The following SPRED1 variants were observed in gnomAD, a reference collection of about 807,000 sequenced individuals.
SPRED1 encodes the protein sprouty-related, EVH1 domain-containing protein 1.
SPRED1 carries 18 observed loss-of-function variants against 52.3 expected under a neutral mutation model. The ratio of observed to expected loss-of-function variants is 0.34; its 90% CI spans 0.24 to 0.51. The LOEUF is 0.51. Ranked by LOEUF, SPRED1 falls within the 20% of genes least tolerant of loss-of-function variation. SPRED1 has a pLI of 0.97. For synonymous variants in SPRED1, 155 were observed against 179.7 expected, an observed-to-expected ratio of 0.86 and a Z score of 1.10; for missense variants, 485 against 551.0, an observed-to-expected ratio of 0.88 and a Z score of 1.20.
chr15:38,320,990 A>G (rs1362715592), intron 2 of SPRED1, among the ~76,000 whole-genome samples: 5 of 152,208 alleles, frequency 3.3e-5, no homozygotes, highest in Non-Finnish European at 7.3e-5. Context: ...TATAGTAGGC[A>G]AAAGTGGAAC....
chr15:38,256,142 T>C (rs1215055195), intron 1 of SPRED1, among the ~76,000 whole-genome samples: 2 of 152,146 alleles, frequency 1.3e-5, no homozygotes, highest in African/African-American at 2.4e-5. Flanking sequence ...AGAAATAAAT[T>C]AGAATAAAGC....
intron 2 of SPRED1, among the ~76,000 whole-genome samples, chr15:38,304,183 A>G (rs930348170): frequency 3.7e-4 from 57 of 152,192 alleles, no homozygotes; most frequent in African/African-American, 1.4e-3. Flanking sequence ...ACCCCTTTCT[A>G]TCATGGGGGA....
chr15:38,289,320 T>C (rs1894872430), intron 1 of SPRED1, among the ~76,000 whole-genome samples: 1 of 152,228 alleles, frequency 6.6e-6, no homozygotes, highest in Non-Finnish European at 1.5e-5. Flanking sequence ...GTTTTTCTTC[T>C]GTGGATTTTA....
Position 38,351,710 on chromosome 15 carries a change from T to C in SPRED1, c.*46T>C. On this transcript the variant is annotated 3_prime_UTR_variant, in exon 7 of 7. Coordinates refer to ENST00000299084, the MANE Select transcript of SPRED1 (RefSeq NM_152594.3). ...AGCTTAAAATCTTTGTTTCCAGGAATTAGCTAACTTGGATTTGTGGAAGCT... is the reference window on the plus strand; with the variant it reads ...AGCTTAAAATCTTTGTTTCCAGGAACTAGCTAACTTGGATTTGTGGAAGCT... 5 of 1,599,830 alleles carry C rather than the reference T, an allele frequency of 3.1e-6. No individual in the cohort carries two copies. Among genetic ancestry groups the C allele is most frequent in the Middle Eastern group, 1.7e-4 (1 of 6,000 alleles).
At chr15:38,310,131 G>GTT (rs1427392837) in intron 2 of SPRED1, among the ~76,000 whole-genome samples, 3 of 117,650 alleles carry the variant, frequency 2.5e-5, no homozygotes, top group Non-Finnish European at 5.4e-5. Flanking sequence ...GTGTGTGTGT[G>GTT]TGTGTGTGTG....
At chr15:38,302,886 G>A (rs8037612) in intron 2 of SPRED1, among the ~76,000 whole-genome samples, 125,508 of 152,172 alleles carry the variant, frequency 0.82, 52,532 homozygotes, top group Non-Finnish European at 0.9. Context: ...AGTCTTGGCC[G>A]GGCGTGGTGG....
At chr15:38,314,287 T>TTCAGTAAC (rs1895426436) in intron 2 of SPRED1, among the ~76,000 whole-genome samples, 1 of 151,880 alleles carries the variant, frequency 6.6e-6, no homozygotes. Context: ...TATATTCAGA[T>TTCAGTAAC]ATGTTACTCT....
chr15:38,305,683 G>A (rs929282749), intron 2 of SPRED1, among the ~76,000 whole-genome samples: 12 of 152,056 alleles, frequency 7.9e-5, no homozygotes, highest in African/African-American at 2.4e-4. Flanking sequence ...GGTAACATTC[G>A]TGTGAAGATT....
rs1349456673 is a variant in SPRED1, at chr15:38,356,199, C to G, written c.*4535C>G. The G allele has an allele frequency of 6.6e-6, 1 of 151,010 alleles. No individual in the cohort carries two copies. The highest frequency in any genetic ancestry group is 1.5e-5 in the Non-Finnish European group (1 of 67,796). 9.4% of individuals were successfully genotyped at this position (151,010 alleles called of 1,614,324 possible). A position where few individuals can be genotyped will look rare whatever the true frequency, so the allele number is the denominator to read the frequency against. ...AAAGTGCCTCACTTGTATATTATTTCCATTAAAAGCTTGACTGCATTCTTT... is the reference window on the plus strand; with the variant it reads ...AAAGTGCCTCACTTGTATATTATTTGCATTAAAAGCTTGACTGCATTCTTT... On this transcript the variant is annotated 3_prime_UTR_variant, in exon 7 of 7. Transcript: ENST00000299084.
chr15:38,292,802 G>A (rs866378093), intron 1 of SPRED1, among the ~76,000 whole-genome samples: 17 of 152,146 alleles, frequency 1.1e-4, no homozygotes, highest in African/African-American at 2.2e-4. Context: ...AATTCTTAGC[G>A]TTAAAAGTTC....
In SPRED1 at chr15:38,308,423, C is replaced by T. The variant is rs549110585; in HGVS notation, c.207+8876C>T. Among the ~76,000 whole-genome samples the T allele has an allele frequency of 1.1e-3, 164 of 152,270 alleles. No homozygotes were observed. In the Middle Eastern group the frequency reaches 0.017, roughly 16 times the overall value. The stretch of plus-strand genomic sequence containing the variant: ...AGTCTGTACAGTTTTATCACGTTTT[C>T]ACTACCACAGACAAGATGCAAAACA... On this transcript the variant is annotated intron_variant, in intron 2 of 6. Coordinates refer to ENST00000299084, the MANE Select transcript of SPRED1 (RefSeq NM_152594.3).
intron 6 of SPRED1, among the ~76,000 whole-genome samples, chr15:38,350,257 C>T (rs947609852): frequency 6.6e-6 from 1 of 152,114 alleles, no homozygotes; most frequent in African/African-American, 2.4e-5. Context: ...GGTAGCTGCC[C>T]TCACATGGTC....
chr15:38,349,606 A>G, intron 6 of SPRED1, 83 bp downstream of exon 6: 1 of 956,886 alleles, frequency 1.0e-6, no homozygotes, highest in Non-Finnish European at 1.6e-6. Flanking sequence ...CTAATTCTCC[A>G]TATAGTTGAA....
rs1488137747 is a variant in SPRED1 at position 38,355,829 on chromosome 15, T to C, written c.*4165T>C. On this transcript the variant is annotated 3_prime_UTR_variant, in exon 7 of 7. Coordinates refer to ENST00000299084, the MANE Select transcript of SPRED1 (RefSeq NM_152594.3). The stretch of plus-strand genomic sequence containing the variant: ...TTGTTGCACTAAAAAAGTCTATAAA[T>C]CATAATAGCACCATGAGGTGTTTTG... The C allele has an allele frequency of 6.6e-6, 1 of 151,980 alleles. No individual in the cohort carries two copies. The highest frequency in any genetic ancestry group is 1.5e-5 in the Non-Finnish European group (1 of 67,992). 9.4% of individuals were successfully genotyped at this position (151,980 alleles called of 1,614,324 possible).
intron 4 of SPRED1, among the ~76,000 whole-genome samples, chr15:38,331,680 T>C (rs1895810626): frequency 6.6e-6 from 1 of 152,112 alleles, no homozygotes; most frequent in Admixed American, 6.6e-5. Flanking sequence ...TACGCATTTA[T>C]ACTTAGGTTG....
In SPRED1 at chr15:38,353,781, A is replaced by G. The variant is rs1037098024; in HGVS notation, c.*2117A>G. ...AACTGAAGAAAATAACTTGCTGGCT[A>G]TATAGGAAAATGCTGTGGAAATGAA... On this transcript the variant is annotated 3_prime_UTR_variant, in exon 7 of 7. Transcript: ENST00000299084. 3.3e-5 allele frequency: 5 copies of G among 152,624 alleles called. No individual in the cohort carries two copies. Among genetic ancestry groups the G allele is most frequent in the Non-Finnish European group, 7.4e-5 (5 of 67,994 alleles). 9.5% of individuals were successfully genotyped at this position (152,624 alleles called of 1,614,324 possible).
chr15:38,289,900 G>A (rs1894885892), intron 1 of SPRED1, among the ~76,000 whole-genome samples: 1 of 152,214 alleles, frequency 6.6e-6, no homozygotes, highest in Admixed American at 6.5e-5. Flanking sequence ...AAGCCGCTAA[G>A]TTTGTGGTAG....
chr15:38,351,167 A>G lies in SPRED1; in HGVS notation c.838A>G (p.Ile280Val), dbSNP rs1888475088. Residue 280 changes from isoleucine to valine, a missense_variant, in exon 7 of 7, where the codon ATT (isoleucine) becomes GTT (valine). Ile to Val is a conservative substitution (Grantham distance 29). Around this residue, in one of 5 missense-constraint regions of SPRED1, gnomAD observed 205 missense variants for 245.2 expected, o/e 0.84. Coordinates refer to ENST00000299084, the MANE Select transcript of SPRED1 (RefSeq NM_152594.3). ...GGAAAGAGATGATGCTGATTCCAGT[A>G]TTCAGTTTTCTAAACCAGACAGTAA... ...DLERDDADSS[I>V]QFSKPDSKKS... 2.5e-6 allele frequency: 4 copies of G among 1,614,142 alleles called. No homozygotes were observed. Among genetic ancestry groups the G allele is most frequent in the South Asian group, 2.2e-5 (2 of 91,088 alleles).
intron 1 of SPRED1, among the ~76,000 whole-genome samples, chr15:38,286,389 A>G (rs1180991288): frequency 7.2e-5 from 11 of 152,198 alleles, no homozygotes; most frequent in South Asian, 2.1e-4. Flanking sequence ...AATTTCCTCT[A>G]TCTAACCACT....
Sources: gnomAD v4.1 joint callset for allele counts (sites outside exome capture counted in the v4.1 genomes callset) on GRCh38, gnomAD v4.1.1 for gene constraint, gnomAD v4.1.1 regional missense constraint, MANE v1.5 for transcripts, NCBI Gene and HGNC (gene_info 2026-07-23, HGNC 2026-07-21) for gene names.